The following NEB variants were observed in gnomAD, a reference collection of about 807,000 sequenced individuals.
NEB encodes nemaline myopathy type 2.
A neutral mutation model predicts 952.2 loss-of-function variants in NEB; 512 were observed. That is an observed-to-expected ratio of 0.54 (90% confidence interval 0.50 to 0.58). The LOEUF (loss-of-function observed/expected upper bound fraction) is 0.58, where lower values mean the gene tolerates loss of function less well. Ranked by LOEUF, NEB falls within the 20% of genes least tolerant of loss-of-function variation. The pLI, the probability that NEB is intolerant of heterozygous loss-of-function variation, is 0.00. For missense variants in NEB, 8,428 were observed against 9,231.1 expected, an observed-to-expected ratio of 0.91 and a Z score of 3.56; for synonymous variants, 2,900 against 3,149.8, an observed-to-expected ratio of 0.92 and a Z score of 2.66.
At position 151,610,075 on chromosome 2, in the gene NEB, C is replaced by T. The variant is rs1560386188; in HGVS notation, c.12064G>A (p.Gly4022Arg). 2.5e-6 allele frequency: 4 copies of T among 1,613,692 alleles called. No individual in the cohort carries two copies. The highest frequency in any genetic ancestry group is 3.4e-6 in the Non-Finnish European group (4 of 1,179,786). Reference sequence around the variant, plus strand: ...GGATCATCTTCAATGCTCTGGGCTCCAATGTGGTGGCCTTTCTGTTTCTCA... The same window carrying T: ...GGATCATCTTCAATGCTCTGGGCTCTAATGTGGTGGCCTTTCTGTTTCTCA... ...AYEKQKGHHIGAQSIEDDPKI... is the reference protein window; with the variant it reads ...AYEKQKGHHIRAQSIEDDPKI... Residue 4022 changes from glycine (G) to arginine (R), a missense_variant, in exon 81 of 182, where the codon GGA (glycine) becomes AGA (arginine). Coordinates refer to ENST00000397345, the MANE Select transcript of NEB (RefSeq NM_001164508.2).
chr2:151,519,705 T>G lies in NEB; in HGVS notation c.22543A>C (p.Ser7515Arg). The change falls in exon 154 of 182, where the codon AGC becomes CGC. Residue 7515 changes from serine to arginine, a missense_variant. This residue lies in a region of NEB where 3,374 missense variants were observed against 3,651.5 expected (regional missense o/e 0.92). Transcript: ENST00000397345. The part of the protein sequence containing the change: ...GKTPKYNPKD[S>R]QLYKVMKDAN... ...TCTTTCATGACTTTGTAGAGCTGGC[T>G]GTCTTTTGGATTGTATTTTGGTGTC... 6.2e-7 allele frequency: 1 copy of G among 1,613,468 alleles called. No homozygotes were observed. The highest frequency in any genetic ancestry group is 8.5e-7 in the Non-Finnish European group (1 of 1,179,532).
intron 27 of NEB, among the ~76,000 whole-genome samples, chr2:151,686,836 G>GGCCC (rs1559245587): frequency 6.6e-6 from 1 of 152,044 alleles, no homozygotes; most frequent in Non-Finnish European, 1.5e-5. Context: ...AATGTTACAT[G>GGCCC]GCCCATAGAT....
In NEB at chr2:151,629,175, T is replaced by C. The variant is rs1386426292; in HGVS notation, c.9831+364A>G. On this transcript the variant is annotated intron_variant, in intron 68 of 181. Coordinates refer to ENST00000397345, the MANE Select transcript of NEB (RefSeq NM_001164508.2). ...CTTCTTCTGATATTGAACCAATACA[T>C]GTAACTAAGTTATTTTTTAACACCT... is the stretch of plus-strand genomic sequence containing the variant. Among the ~76,000 whole-genome samples the C allele has an allele frequency of 6.6e-5, 10 of 152,310 alleles. No individual in the cohort carries two copies. The East Asian group carries it at 1.4e-3, about 21-fold the overall frequency.
chr2:151,557,547 C>T (rs1206045414), intron 124 of NEB, among the ~76,000 whole-genome samples: 8 of 152,130 alleles, frequency 5.3e-5, no homozygotes, highest in South Asian at 2.1e-4. Context: ...ATACCAAAGC[C>T]GGGCAGAGAC....
intron 36 of NEB, 49 bp from the exon 37 acceptor site, chr2:151,672,729 A>G (rs1054592142): frequency 6.8e-7 from 1 of 1,464,232 alleles, no homozygotes; most frequent in African/African-American, 1.4e-5. Context: ...TGATAGCATT[A>G]GCGCTGCAAT....
intron 13 of NEB, among the ~76,000 whole-genome samples, chr2:151,704,719 C>T (rs924319881): frequency 2.0e-5 from 3 of 152,210 alleles, no homozygotes; most frequent in Admixed American, 2.0e-4. Flanking sequence ...TGCTTCGGCT[C>T]ACGCACAGTG....
intron 9 of NEB, among the ~76,000 whole-genome samples, chr2:151,718,227 C>G (rs925629953): frequency 2.0e-5 from 3 of 152,072 alleles, no homozygotes; most frequent in Non-Finnish European, 4.4e-5. Context: ...TTAGGCAATG[C>G]TAACATGATG....
intron 70 of NEB, among the ~76,000 whole-genome samples, chr2:151,626,114 CTT>C (rs745887781): frequency 1.8e-4 from 25 of 138,786 alleles, no homozygotes; most frequent in Admixed American, 1.4e-4. Context: ...TTGCATCTTT[CTT>C]TTTTTTTTTT....
intron 141 of NEB, 35 bp downstream of exon 141, chr2:151,537,097 A>G (rs755268228): frequency 4.4e-6 from 6 of 1,356,546 alleles, no homozygotes; most frequent in Non-Finnish European, 6.3e-6. Context: ...GTATATGTCG[A>G]ATGGATGAGG....
intron 66 of NEB, 131 bp downstream of exon 66, chr2:151,631,012 A>T: frequency 1.5e-6 from 2 of 1,323,546 alleles, no homozygotes; most frequent in Non-Finnish European, 2.1e-6. Flanking sequence ...TATTTAGAGG[A>T]TTTCAAGCAT....
intron 34 of NEB, 28 bp from the exon 35 acceptor site, chr2:151,675,419 C>CA: frequency 7.1e-7 from 1 of 1,408,306 alleles, no homozygotes; most frequent in Non-Finnish European, 9.8e-7. Flanking sequence ...TCACATAGTG[C>CA]AAAAAGGAAA....
chr2:151,544,391 A>G (rs1255858366), intron 135 of NEB, among the ~76,000 whole-genome samples: 1 of 152,196 alleles, frequency 6.6e-6, no homozygotes, highest in South Asian at 2.1e-4. Context: ...CACAGGCTAC[A>G]TATTATTAAA....
At chr2:151,679,632 A>G (rs2099399514) in intron 32 of NEB, 89 bp downstream of exon 32, 1 of 830,896 alleles carries the variant, frequency 1.2e-6, no homozygotes, top group Non-Finnish European at 2.0e-6. Context: ...TGGGGACTGC[A>G]TGCATGGAGA....
At chr2:151,681,164 C>T (rs1246933320) in intron 29 of NEB, among the ~76,000 whole-genome samples, 1 of 152,164 alleles carries the variant, frequency 6.6e-6, no homozygotes, top group Admixed American at 6.5e-5. Flanking sequence ...AAAGGTTTAA[C>T]AGAAAAGCAA....
intron 13 of NEB, among the ~76,000 whole-genome samples, chr2:151,703,177 G>T (rs1405311284): frequency 7.2e-6 from 1 of 139,452 alleles, no homozygotes; most frequent in Non-Finnish European, 1.5e-5. Flanking sequence ...TAAGAATGTT[G>T]AATATTGGCC....
intron 119 of NEB, 110 bp downstream of exon 119, chr2:151,563,496 C>T (rs759613489): frequency 3.4e-5 from 31 of 915,178 alleles, no homozygotes; most frequent in Non-Finnish European, 4.8e-5. Context: ...AAGGACCCTA[C>T]GCTACTCCAT....
chr2:151,643,699 A>T (rs2098917197), intron 57 of NEB, 119 bp downstream of exon 57: 1 of 1,454,680 alleles, frequency 6.9e-7, no homozygotes, highest in Non-Finnish European at 9.2e-7. Flanking sequence ...GGGTGACTAG[A>T]TGCGCTTGGG....
rs538019612 is a variant in NEB, at chr2:151,689,847, G to A, written c.2310+880C>T. The A allele has an allele frequency of 1.2e-3, 184 of 152,358 alleles. 2 individuals are homozygous for A. Among genetic ancestry groups the A allele is most frequent in the African/African-American group, 3.9e-3 (162 of 41,578 alleles). The allele number at this position is 152,358 out of a possible 1,614,324, so 9.4% of individuals were successfully genotyped here. On this transcript the variant is annotated intron_variant, in intron 24 of 181. Transcript: ENST00000397345. Reference sequence around the variant, plus strand: ...TGCTCAGAAAAGTGGCACACGAGCTGAAATGACTTCTGAGTTATACTGATG... The same window carrying A: ...TGCTCAGAAAAGTGGCACACGAGCTAAAATGACTTCTGAGTTATACTGATG...
intron 161 of NEB, among the ~76,000 whole-genome samples, chr2:151,509,342 G>T (rs34219954): frequency 0.11 from 17,394 of 152,134 alleles, 1,431 homozygotes; most frequent in Non-Finnish European, 0.16. Context: ...AGTTCTCATT[G>T]TCCTGGGAAA....
Sources: allele counts gnomAD v4.1 joint callset (sites outside exome capture counted in the v4.1 genomes callset), GRCh38; gene constraint gnomAD v4.1.1; regional missense constraint gnomAD v4.1.1; transcripts MANE v1.5; gene names NCBI Gene and HGNC (gene_info 2026-07-23, HGNC 2026-07-21).